Variants in PRRC2B observed in about 807,000 individuals in gnomAD.
PRRC2B encodes the protein protein PRRC2B.
In PRRC2B, 68 loss-of-function variants were observed where a neutral mutation model predicts 242.3. That is an observed-to-expected ratio of 0.28 (90% confidence interval 0.23 to 0.34). The LOEUF (loss-of-function observed/expected upper bound fraction) is 0.34, where lower values mean the gene tolerates loss of function less well. PRRC2B is among the 10% of genes least tolerant of loss of function. The probability of loss-of-function intolerance (pLI) is 1.00; values close to 1 mark genes in which losing one functional copy is unlikely to be tolerated. For missense variants in PRRC2B, 2,835 were observed against 2,954.8 expected (o/e 0.96, Z 0.94); for synonymous variants, 1,228 against 1,173.6 (o/e 1.05, Z -0.95).
chr9:131,476,643 G>A, intron 16 of PRRC2B, 108 bp downstream of exon 16: 1 of 986,074 alleles, frequency 1.0e-6, no homozygotes, highest in Non-Finnish European at 1.5e-6. Context: ...CTGGGGGCCT[G>A]CCCCCAGGCC....
At position 131,475,608 on chromosome 9, in the gene PRRC2B, C is replaced by T. The variant is rs754580552; in HGVS notation, c.3479C>T (p.Ser1160Leu). 31 of 1,612,494 alleles carry T rather than the reference C, an allele frequency of 1.9e-5. No homozygotes were observed. The South Asian group carries it at 2.4e-4, about 13-fold the overall frequency. Residue 1160 changes from serine (S) to leucine (L), a missense_variant, in exon 16 of 32, where the codon TCG (serine) becomes TTG (leucine). By Grantham distance (145) the Ser-to-Leu change is moderately radical. Transcript: ENST00000683519. ...GGCTCCGAGAACGGGAATGAAGGCT[C>T]GCTCCTGGAGAGGGAGGAGAGCACC... ...QRGSENGNEG[S>L]LLEREESTLK... is the part of the protein sequence containing the mutation.
intron 1 of PRRC2B, among the ~76,000 whole-genome samples, chr9:131,384,578 C>G (rs1326448617): frequency 6.6e-6 from 1 of 152,030 alleles, no homozygotes; most frequent in Non-Finnish European, 1.5e-5. Flanking sequence ...GCCACTGCGC[C>G]CGGCCTAATT....
At chr9:131,417,900 CTT>C (rs1491378213) in intron 1 of PRRC2B, among the ~76,000 whole-genome samples, 3 of 152,198 alleles carry the variant, frequency 2.0e-5, no homozygotes, top group African/African-American at 4.8e-5. Context: ...GCATGACTCT[CTT>C]TTTGTGTCAG....
chr9:131,437,948 C>T (rs1047161803), intron 4 of PRRC2B, among the ~76,000 whole-genome samples: 1 of 152,148 alleles, frequency 6.6e-6, no homozygotes, highest in African/African-American at 2.4e-5. Context: ...TCCTGGGCAT[C>T]TATTTGAATG....
rs186262809 is a variant in PRRC2B at position 131,420,433 on chromosome 9, T to G, written c.-51-9661T>G. 4.0e-3 allele frequency among the ~76,000 whole-genome samples: 533 copies of G among 132,622 alleles called. 5 individuals are homozygous for G. The highest frequency in any genetic ancestry group is 0.014 in the African/African-American group (513 of 35,842). The allele number at this position is 132,622 out of a possible 152,430, so 87.0% of individuals were successfully genotyped here. A position where few individuals can be genotyped will look rare whatever the true frequency, so the allele number is the denominator to read the frequency against. On this transcript the variant is annotated intron_variant, in intron 1 of 31. Coordinates refer to ENST00000683519, the MANE Select transcript of PRRC2B (RefSeq NM_013318.4). ...TCTTTGAAAGCCACCTCTGCTTTTC[T>G]TTTTTCTTTTTCTTTTTCTTTTTCT...
rs761349319 is a variant in PRRC2B at position 131,484,769 on chromosome 9, C to T, written c.5544C>T (p.Pro1848=). 1.2e-5 allele frequency: 19 copies of T among 1,611,242 alleles called. No homozygotes were observed. The highest frequency in any genetic ancestry group is 1.7e-5 in the Admixed American group (1 of 59,622). Residue 1848 remains proline (P), a synonymous_variant, in exon 24 of 32, where the codon CCC becomes CCT. Transcript: ENST00000683519. The stretch of plus-strand genomic sequence containing the variant: ...TCGGTCTCTCCCCAATGTCCTTCCC[C>T]ACCGCCGACCTTACTCTGAAGGTAA... ...RAIGLSPMSF[P]TADLTLKMES...
intron 12 of PRRC2B, 28 bp from the exon 13 acceptor site, chr9:131,467,535 G>A: frequency 6.5e-7 from 1 of 1,545,306 alleles, no homozygotes; most frequent in Non-Finnish European, 8.8e-7. Flanking sequence ...AGCTCACTGT[G>A]TCATTTCTCT....
At chr9:131,474,367 TC>T (rs1348922796) in intron 15 of PRRC2B, 86 bp from the exon 16 acceptor site, 1 of 1,183,880 alleles carries the variant, frequency 8.4e-7, no homozygotes, top group East Asian at 2.4e-5. Flanking sequence ...TTTTGTTTTT[TC>T]TTTTTAAAAC....
chr9:131,410,145 C>T (rs1837469034), intron 1 of PRRC2B, among the ~76,000 whole-genome samples: 2 of 152,218 alleles, frequency 1.3e-5, no homozygotes, highest in Non-Finnish European at 2.9e-5. Context: ...TTAACCGCAT[C>T]TTCAAAGCGG....
intron 14 of PRRC2B, among the ~76,000 whole-genome samples, chr9:131,473,251 G>A (rs1009079506): frequency 6.6e-6 from 1 of 152,184 alleles, no homozygotes; most frequent in African/African-American, 2.4e-5. Flanking sequence ...TAAGGACCAA[G>A]CCTATATCTG....
chr9:131,439,903 T>C (rs1365866235), intron 5 of PRRC2B, among the ~76,000 whole-genome samples: 1 of 149,492 alleles, frequency 6.7e-6, no homozygotes. Context: ...CTGGCTGATT[T>C]TTTTTTTTTT....
At chr9:131,491,031 C>T in intron 28 of PRRC2B, 1 of 233,740 alleles carries the variant, frequency 4.3e-6, no homozygotes, top group Non-Finnish European at 8.5e-6. Flanking sequence ...TGGACAGGGC[C>T]CTGCCGCTTC....
chr9:131,393,680 C>T (rs1342799688), upstream of PRRC2B, among the ~76,000 whole-genome samples: 1 of 152,048 alleles, frequency 6.6e-6, no homozygotes, highest in Non-Finnish European at 1.5e-5. Context: ...GCTCGCTCCC[C>T]CGTCACTGCC....
chr9:131,447,157 C>G lies in PRRC2B; in HGVS notation c.928C>G (p.Leu310Val). The change falls in exon 8 of 32, where the codon CTT becomes GTT. Residue 310 changes from leucine to valine, a missense_variant. This residue lies in a region of PRRC2B where 626 missense variants were observed against 685.5 expected (regional missense o/e 0.91). Coordinates refer to ENST00000683519, the MANE Select transcript of PRRC2B (RefSeq NM_013318.4). ...RGSFPLPQLR[L>V]EPRVPFRQFQ... Reference sequence around the variant, plus strand: ...CTCTTTTCCCCTTCCTCAGCTCCGCCTTGAACCTCGAGTTCCTTTTAGACA... The same window carrying G: ...CTCTTTTCCCCTTCCTCAGCTCCGCGTTGAACCTCGAGTTCCTTTTAGACA... 1 of 1,614,018 alleles carries G rather than the reference C, an allele frequency of 6.2e-7. No individual in the cohort carries two copies. Among genetic ancestry groups the G allele is most frequent in the Non-Finnish European group, 8.5e-7 (1 of 1,179,886 alleles).
At chr9:131,385,988 C>T (rs1479093988) in intron 1 of PRRC2B, among the ~76,000 whole-genome samples, 2 of 150,444 alleles carry the variant, frequency 1.3e-5, no homozygotes, top group Non-Finnish European at 3.0e-5. Flanking sequence ...CCACGGCGCC[C>T]GGCCATCATT....
Position 131,482,479 on chromosome 9 carries a change from C to A in PRRC2B, c.5092C>A (p.Pro1698Thr). 6.2e-7 allele frequency: 1 copy of A among 1,612,244 alleles called. No individual in the cohort carries two copies. The highest frequency in any genetic ancestry group is 1.1e-5 in the South Asian group (1 of 91,052). The change falls in exon 21 of 32, where the codon CCA becomes ACA. Residue 1698 changes from proline to threonine, a missense_variant. Physicochemically the swap from Pro to Thr is conservative, Grantham distance 38. Around this residue, in one of 7 missense-constraint regions of PRRC2B, gnomAD observed 38 missense variants for 73.3 expected, o/e 0.52. Transcript: ENST00000683519. The surrounding 1 kb of genome is among the most constrained non-coding windows in gnomAD (Gnocchi z 5.2). ...QRSSPYGTLK[P>T]EEMSGPGLAE... ...CAGCTCCCCATATGGGACTCTGAAG[C>A]CAGAGGAGATGAGCGGGCCCGGCCT...
intron 11 of PRRC2B, among the ~76,000 whole-genome samples, chr9:131,461,239 T>C (rs1337783455): frequency 6.6e-6 from 1 of 152,192 alleles, no homozygotes; most frequent in Non-Finnish European, 1.5e-5. Flanking sequence ...CAGATGTCAT[T>C]GTCCCCACTC....
chr9:131,478,682 C>T lies in PRRC2B; in HGVS notation c.4758+63C>T, dbSNP rs747861278. 18 of 1,228,514 alleles carry T rather than the reference C, an allele frequency of 1.5e-5. No homozygotes were observed. In the Admixed American group the frequency reaches 1.8e-4, roughly 13 times the overall value. The allele number at this position is 1,228,514 out of a possible 1,614,324, so 76.1% of individuals were successfully genotyped here. A position where few individuals can be genotyped will look rare whatever the true frequency, so the allele number is the denominator to read the frequency against. On this transcript the variant is annotated intron_variant, in intron 18 of 31. Transcript: ENST00000683519. ...GCAGGCTGGCAGATGCCCAGGAAAC[C>T]CAGAGCCAGAGGGTAAGGGAGTTCT...
At chr9:131,477,472 C>CT (rs1943736753) in intron 16 of PRRC2B, among the ~76,000 whole-genome samples, 2 of 152,172 alleles carry the variant, frequency 1.3e-5, no homozygotes, top group South Asian at 4.1e-4. Context: ...CCTTGTCTCT[C>CT]TCCCCCCTAC....
Sources: gnomAD v4.1 joint callset for allele counts (sites outside exome capture counted in the v4.1 genomes callset) on GRCh38, gnomAD v4.1.1 for gene constraint, gnomAD v4.1.1 regional missense constraint, Gnocchi (gnomAD v3.1) non-coding constraint, MANE v1.5 for transcripts, NCBI Gene and HGNC (gene_info 2026-07-23, HGNC 2026-07-21) for gene names.